The following CFAP99 variants were observed in gnomAD, a reference collection of about 807,000 sequenced individuals.
CFAP99 encodes cilia- and flagella-associated protein 99.
Under a neutral mutation model 82.7 loss-of-function variants are expected in CFAP99, and 84 were observed. That is an observed-to-expected ratio of 1.02 (90% CI 0.85 to 1.22). The LOEUF is 1.22. CFAP99 is among the 50% of genes most tolerant of loss of function. The pLI is 0.00. For missense variants in CFAP99, 1,059 were observed against 983.5 expected (o/e 1.08, Z -1.03); for synonymous variants, 456 against 429.5 (o/e 1.06, Z -0.76).
chr4:2,460,845 G>C (rs1024080362), intron 14 of CFAP99, among the ~76,000 whole-genome samples: 29 of 152,056 alleles, frequency 1.9e-4, no homozygotes, highest in Non-Finnish European at 1.2e-4. Context: ...TGCCTCCCAG[G>C]TTCAAGCCTC....
chr4:2,442,418 G>C (rs1490470732), intron 4 of CFAP99, among the ~76,000 whole-genome samples: 1 of 152,116 alleles, frequency 6.6e-6, no homozygotes, highest in East Asian at 1.9e-4. Context: ...ATGGAGAAGA[G>C]AAGGGCGTGG....
At chr4:2,437,665 C>T (rs1009879324) in intron 3 of CFAP99, among the ~76,000 whole-genome samples, 8 of 152,326 alleles carry the variant, frequency 5.3e-5, no homozygotes, top group Middle Eastern at 3.4e-3. Context: ...CCTTATGATG[C>T]GCAGCGCGTC....
intron 1 of CFAP99, among the ~76,000 whole-genome samples, chr4:2,421,350 C>CTTTTTTTTT (rs10632358): frequency 5.2e-4 from 50 of 96,972 alleles, no homozygotes; most frequent in East Asian, 1.2e-3. Flanking sequence ...TCTGCCCACC[C>CTTTTTTTTT]TTTTTTTTTT....
At chr4:2,455,512 A>G (rs983964263) in intron 11 of CFAP99, among the ~76,000 whole-genome samples, 24 of 96,354 alleles carry the variant, frequency 2.5e-4, no homozygotes, top group African/African-American at 8.9e-4. Context: ...ATGTCTACTA[A>G]AAAAACAAAC....
intron 2 of CFAP99, among the ~76,000 whole-genome samples, chr4:2,433,089 G>A (rs1733831344): frequency 6.6e-6 from 1 of 152,004 alleles, no homozygotes. Flanking sequence ...GGCCCAGCCT[G>A]GCGTGGACTG....
chr4:2,449,843 G>T, intron 7 of CFAP99, 91 bp from the exon 8 acceptor site: 6 of 1,528,128 alleles, frequency 3.9e-6, no homozygotes, highest in Middle Eastern at 3.4e-4. Flanking sequence ...GGAGGCAAGA[G>T]GGGGAGGCTG....
At chr4:2,428,010 C>T (rs1264693249) in intron 2 of CFAP99, 1 of 152,416 alleles carries the variant, frequency 6.6e-6, no homozygotes, top group African/African-American at 2.4e-5. Context: ...GCACCTCTCC[C>T]TCCACTTCAG....
intron 2 of CFAP99, chr4:2,427,007 C>T (rs1004706278): frequency 2.5e-5 from 5 of 197,618 alleles, no homozygotes; most frequent in African/African-American, 9.1e-5. Flanking sequence ...TTGTGGTAAC[C>T]GAGACTTGGG....
chr4:2,437,611 C>G (rs1733945934), intron 3 of CFAP99, among the ~76,000 whole-genome samples: 1 of 152,172 alleles, frequency 6.6e-6, no homozygotes, highest in Non-Finnish European at 1.5e-5. Context: ...TGATGCCAGT[C>G]CTGAGCTAGG....
chr4:2,434,128 A>G (rs564250251), intron 2 of CFAP99, among the ~76,000 whole-genome samples: 106 of 152,336 alleles, frequency 7.0e-4, no homozygotes, highest in African/African-American at 2.4e-3. Context: ...TGGCAGGGGC[A>G]GGCTTGGGCC....
chr4:2,444,176 G>A lies in CFAP99; in HGVS notation c.464+934G>A, dbSNP rs145842817. Among the ~76,000 whole-genome samples the A allele has an allele frequency of 1.4e-3, 210 of 152,258 alleles. 1 individual carries two copies. The highest frequency in any genetic ancestry group is 2.6e-3 in the Non-Finnish European group (178 of 67,994). The stretch of plus-strand genomic sequence containing the variant: ...TAAACCTCCAAAGGAAGGAGTAGGA[G>A]TGGCCCTGCTGGTGCCCCTACCTTG... On this transcript the variant is annotated intron_variant, in intron 5 of 14. Coordinates refer to ENST00000635017, the Ensembl canonical transcript of CFAP99.
chr4:2,429,086 T>C (rs1733746108), intron 2 of CFAP99: 2 of 152,416 alleles, frequency 1.3e-5, no homozygotes, highest in Admixed American at 6.5e-5. Flanking sequence ...GTGTGCACTC[T>C]GCTCCAGCTG....
Position 2,419,576 on chromosome 4 carries a change from G to C in CFAP99, c.-18+483G>C, listed in dbSNP as rs191257632. 1.5e-4 allele frequency among the ~76,000 whole-genome samples: 23 copies of C among 152,306 alleles called. No individual in the cohort carries two copies. In the East Asian group the frequency reaches 2.3e-3, roughly 15 times the overall value. On this transcript the variant is annotated intron_variant, in intron 1 of 14. Transcript: ENST00000635017. ...TCTCTGGCTTGTTGTGAAACGTGCA[G>C]ATGTAAGACACAGGAGATGGAAGTC...
Position 2,445,137 on chromosome 4 carries a change from GC to G in CFAP99, c.473del (p.Pro158GlnfsTer6). The G allele has an allele frequency of 1.5e-6, 2 of 1,359,226 alleles. No homozygotes were observed. Among genetic ancestry groups the G allele is most frequent in the Non-Finnish European group, 1.9e-6 (2 of 1,059,498 alleles). The allele number at this position is 1,359,226 out of a possible 1,614,324, so 84.2% of individuals were successfully genotyped here. On this transcript the variant is annotated frameshift_variant, in exon 6 of 15. Transcript: ENST00000635017. LOFTEE classifies it high-confidence loss of function. ...TTCCACTTTTGCCTTCAAGATGGCA[GC>G]CAGAGGTCCAGGAGCTGATCAACCA...
chr4:2,421,996 C>T (rs1282968190), intron 1 of CFAP99, among the ~76,000 whole-genome samples: 5 of 152,020 alleles, frequency 3.3e-5, no homozygotes, highest in Admixed American at 1.3e-4. Context: ...GAGTTATCAT[C>T]GAGCCACTGC....
At chr4:2,422,884 G>T (rs1733612320) in intron 1 of CFAP99, among the ~76,000 whole-genome samples, 1 of 152,200 alleles carries the variant, frequency 6.6e-6, no homozygotes, top group Admixed American at 6.5e-5. Context: ...ATAGCCCAAA[G>T]CACCTTCAAC....
intron 2 of CFAP99, among the ~76,000 whole-genome samples, chr4:2,430,515 G>A: frequency 6.9e-6 from 1 of 145,426 alleles, no homozygotes; most frequent in Non-Finnish European, 1.5e-5. Flanking sequence ...AAACCAAACG[G>A]CAGACTCCGG....
intron 2 of CFAP99, among the ~76,000 whole-genome samples, chr4:2,436,081 CAAA>C (rs60559586): frequency 1.3e-4 from 16 of 125,440 alleles, no homozygotes; most frequent in African/African-American, 2.8e-4. Flanking sequence ...TCAAAAACTT[CAAA>C]AAAAAAAAAA....
chr4:2,420,882 C>T (rs1450961650), intron 1 of CFAP99, among the ~76,000 whole-genome samples: 1 of 152,142 alleles, frequency 6.6e-6, no homozygotes, highest in Non-Finnish European at 1.5e-5. Flanking sequence ...GATGGATATG[C>T]CTCTCTCGTT....
Sources: gnomAD v4.1 joint callset for allele counts (sites outside exome capture counted in the v4.1 genomes callset) on GRCh38, gnomAD v4.1.1 for gene constraint, MANE v1.5 for transcripts, NCBI Gene and HGNC (gene_info 2026-07-23, HGNC 2026-07-21) for gene names.